Variants in FSTL5 observed in about 807,000 individuals in gnomAD.
FSTL5 encodes the protein follistatin-related protein 5.
FSTL5 carries 62 observed loss-of-function variants against 89.1 expected under a neutral mutation model. The observed-to-expected ratio is 0.70, with a 90% CI of 0.57 to 0.86. FSTL5 has a LOEUF of 0.86. Ranked by LOEUF, FSTL5 falls within the 40% of genes least tolerant of loss-of-function variation. The pLI is 0.00. For missense variants in FSTL5, 1,057 were observed against 1,001.6 expected (o/e 1.06, Z -0.75); for synonymous variants, 383 against 346.2 (o/e 1.11, Z -1.18).
intron 2 of FSTL5, among the ~76,000 whole-genome samples, chr4:162,081,412 C>G (rs530816720): frequency 1.3e-5 from 2 of 151,518 alleles, no homozygotes; most frequent in African/African-American, 4.8e-5. Context: ...CCTGGCACTT[C>G]GTTACTCAAA....
chr4:161,631,388 C>G (rs1251492540), intron 7 of FSTL5, among the ~76,000 whole-genome samples: 1 of 152,116 alleles, frequency 6.6e-6, no homozygotes, highest in South Asian at 2.1e-4. Context: ...GAGGCCAAGG[C>G]AGATGGATCA....
At chr4:162,017,808 G>C (rs1736955827) in intron 3 of FSTL5, among the ~76,000 whole-genome samples, 1 of 152,104 alleles carries the variant, frequency 6.6e-6, no homozygotes, top group South Asian at 2.1e-4. Flanking sequence ...TCTCACGTAA[G>C]TCATGGTTCT....
At chr4:161,937,955 T>C (rs1734477564) in intron 3 of FSTL5, among the ~76,000 whole-genome samples, 1 of 136,164 alleles carries the variant, frequency 7.3e-6, no homozygotes, top group Admixed American at 7.4e-5. Context: ...TCTAGCAACA[T>C]GTCCAGTTTC....
chr4:161,973,252 A>G (rs981524312), intron 3 of FSTL5, among the ~76,000 whole-genome samples: 1 of 152,176 alleles, frequency 6.6e-6, no homozygotes, highest in Non-Finnish European at 1.5e-5. Flanking sequence ...AAGAAAGGTG[A>G]CATAGGTATA....
chr4:161,948,858 T>G (rs890239079), intron 3 of FSTL5, among the ~76,000 whole-genome samples: 2 of 152,206 alleles, frequency 1.3e-5, no homozygotes, highest in Non-Finnish European at 2.9e-5. Flanking sequence ...AAGAATTTAG[T>G]GATTTTTAAA....
At chr4:161,639,254 G>A (rs373515126) in intron 7 of FSTL5, among the ~76,000 whole-genome samples, 6 of 152,058 alleles carry the variant, frequency 3.9e-5, no homozygotes, top group African/African-American at 1.4e-4. Flanking sequence ...GAGGCAGAAA[G>A]CTAACTGTAA....
At chr4:161,955,601 T>C (rs1300232617) in intron 3 of FSTL5, among the ~76,000 whole-genome samples, 1 of 151,806 alleles carries the variant, frequency 6.6e-6, no homozygotes, top group Non-Finnish European at 1.5e-5. Flanking sequence ...CCTTAGCATT[T>C]AGCATAACAA....
At chr4:161,556,862 A>ATATAT (rs1182255819) in intron 8 of FSTL5, among the ~76,000 whole-genome samples, 2 of 149,762 alleles carry the variant, frequency 1.3e-5, no homozygotes, top group African/African-American at 2.4e-5. Flanking sequence ...ATATATATAT[A>ATATAT]ATCCTGGATT....
At chr4:161,696,537 G>A (rs559450619) in intron 6 of FSTL5, among the ~76,000 whole-genome samples, 2 of 152,242 alleles carry the variant, frequency 1.3e-5, no homozygotes, top group South Asian at 4.2e-4. Context: ...GATTGCTATT[G>A]GCAGTATGGT....
intron 6 of FSTL5, among the ~76,000 whole-genome samples, chr4:161,685,897 A>G (rs1444130847): frequency 1.3e-5 from 2 of 152,110 alleles, no homozygotes; most frequent in African/African-American, 2.4e-5. Flanking sequence ...TGAGTTTGTC[A>G]TAGTTGGCTT....
At chr4:161,393,800 T>C (rs962935758) in intron 15 of FSTL5, among the ~76,000 whole-genome samples, 1 of 152,136 alleles carries the variant, frequency 6.6e-6, no homozygotes, top group African/African-American at 2.4e-5. Flanking sequence ...AATTCTGATC[T>C]GAGGAAACCA....
chr4:162,058,714 C>T (rs1738633094), intron 2 of FSTL5, among the ~76,000 whole-genome samples: 1 of 151,922 alleles, frequency 6.6e-6, no homozygotes, highest in Non-Finnish European at 1.5e-5. Context: ...CAGGTGTGAG[C>T]CATCGTGCCT....
chr4:161,784,661 G>A (rs1279289492), intron 4 of FSTL5, among the ~76,000 whole-genome samples: 2 of 152,008 alleles, frequency 1.3e-5, no homozygotes, highest in Non-Finnish European at 2.9e-5. Flanking sequence ...TTGGAAGGCG[G>A]AGGCGGGTGG....
chr4:161,765,874 C>A (rs925149999), intron 5 of FSTL5, among the ~76,000 whole-genome samples: 3 of 151,558 alleles, frequency 2.0e-5, no homozygotes, highest in Non-Finnish European at 4.4e-5. Flanking sequence ...CGGCTCACTG[C>A]AACCTTGCCT....
intron 10 of FSTL5, among the ~76,000 whole-genome samples, chr4:161,510,897 C>A (rs1348101668): frequency 2.0e-5 from 3 of 151,848 alleles, no homozygotes; most frequent in Non-Finnish European, 4.4e-5. Flanking sequence ...AATCCAAGAT[C>A]TTGAACAACA....
intron 10 of FSTL5, among the ~76,000 whole-genome samples, chr4:161,534,096 C>T (rs1731513069): frequency 1.3e-5 from 2 of 151,946 alleles, no homozygotes; most frequent in Admixed American, 6.6e-5. Context: ...ATAAGAACCA[C>T]CTTATGACAA....
chr4:161,742,018 G>T (rs1740046440), intron 6 of FSTL5, among the ~76,000 whole-genome samples: 1 of 152,218 alleles, frequency 6.6e-6, no homozygotes, highest in East Asian at 1.9e-4. Flanking sequence ...ATGACTTAAG[G>T]TGAGTAAACT....
intron 4 of FSTL5, among the ~76,000 whole-genome samples, chr4:161,872,174 C>A (rs1732294211): frequency 9.7e-6 from 1 of 102,896 alleles, no homozygotes; most frequent in South Asian, 3.4e-4. Flanking sequence ...GACAAGGATT[C>A]ATCATGTTGT....
intron 3 of FSTL5, among the ~76,000 whole-genome samples, chr4:161,929,681 G>GTGTGTGTGTGTGTGTGTGTATA (rs1553983435): frequency 9.5e-5 from 11 of 115,526 alleles, no homozygotes; most frequent in Middle Eastern, 3.8e-3. Context: ...GTGTGTGTGT[G>GTGTGTGTGTGTGTGTGTGTATA]TGTGTGTGTG....
Sources: gnomAD v4.1 joint callset for allele counts (sites outside exome capture counted in the v4.1 genomes callset) on GRCh38, gnomAD v4.1.1 for gene constraint, MANE v1.5 for transcripts, NCBI Gene and HGNC (gene_info 2026-07-23, HGNC 2026-07-21) for gene names.